Variants in RSRC1 observed in about 807,000 individuals in gnomAD.
RSRC1 encodes arginine and serine rich coiled-coil 1.
RSRC1 carries 39 observed loss-of-function variants against 49.1 expected under a neutral mutation model. That is an observed-to-expected ratio of 0.79 (90% CI 0.61 to 1.04). RSRC1 has a LOEUF of 1.04. RSRC1 is among the 50% of genes least tolerant of loss of function. The pLI is 0.00. For synonymous variants in RSRC1, 143 were observed against 130.8 expected, an observed-to-expected ratio of 1.09 and a Z score of -0.63; for missense variants, 388 against 402.4, an observed-to-expected ratio of 0.96 and a Z score of 0.31.
chr3:158,537,023 C>T, intron 7 of RSRC1, 69 bp from the exon 8 acceptor site: 1 of 895,222 alleles, frequency 1.1e-6, no homozygotes. Context: ...ATAGAAAGAA[C>T]ATTGCTTAGG....
At chr3:158,327,227 A>G (rs941767957) in intron 5 of RSRC1, among the ~76,000 whole-genome samples, 9 of 151,198 alleles carry the variant, frequency 6.0e-5, no homozygotes, top group East Asian at 1.9e-4. Context: ...TTGTGTCTCT[A>G]TCTCCTTCAG....
chr3:158,379,398 C>T (rs924591465), intron 6 of RSRC1, among the ~76,000 whole-genome samples: 8 of 151,968 alleles, frequency 5.3e-5, no homozygotes, highest in African/African-American at 1.9e-4. Context: ...GACGGGGTTT[C>T]ACCATGTTAG....
chr3:158,381,616 CT>C (rs1177505803), intron 6 of RSRC1, among the ~76,000 whole-genome samples: 6 of 152,102 alleles, frequency 3.9e-5, no homozygotes, highest in Admixed American at 3.3e-4. Flanking sequence ...GTGGTATAAC[CT>C]ACTACACACC....
chr3:158,202,235 G>A (rs188085432), intron 3 of RSRC1, among the ~76,000 whole-genome samples: 413 of 152,084 alleles, frequency 2.7e-3, no homozygotes, highest in African/African-American at 9.7e-3. Context: ...GGCTGGTCTC[G>A]GACCCCTGAC....
At chr3:158,225,697 TC>T (rs1391406611) in intron 4 of RSRC1, 1 of 453,570 alleles carries the variant, frequency 2.2e-6, no homozygotes, top group Non-Finnish European at 4.4e-6. Context: ...GAAACTTACA[TC>T]TAACAGGAAG....
At chr3:158,170,141 A>G (rs1261162751) in intron 3 of RSRC1, among the ~76,000 whole-genome samples, 2 of 152,284 alleles carry the variant, frequency 1.3e-5, no homozygotes, top group South Asian at 4.1e-4. Flanking sequence ...GATTAGGCTT[A>G]GTTGTACCTA....
intron 6 of RSRC1, among the ~76,000 whole-genome samples, chr3:158,432,271 A>C (rs1386130048): frequency 6.6e-6 from 1 of 152,000 alleles, no homozygotes; most frequent in Non-Finnish European, 1.5e-5. Flanking sequence ...AGACTGTGAC[A>C]CAGATTCTGT....
intron 6 of RSRC1, among the ~76,000 whole-genome samples, chr3:158,403,849 A>G (rs1467131923): frequency 6.6e-6 from 1 of 151,824 alleles, no homozygotes. Flanking sequence ...ACTATAAGAA[A>G]GAAATTTCAC....
intron 4 of RSRC1, among the ~76,000 whole-genome samples, chr3:158,290,488 G>A (rs1341807862): frequency 2.0e-5 from 3 of 151,984 alleles, no homozygotes; most frequent in Non-Finnish European, 4.4e-5. Flanking sequence ...TGTTAGCCAG[G>A]ATGGTCTCGA....
At chr3:158,411,154 T>C (rs1243765453) in intron 6 of RSRC1, among the ~76,000 whole-genome samples, 2 of 152,272 alleles carry the variant, frequency 1.3e-5, no homozygotes, top group East Asian at 3.9e-4. Flanking sequence ...TAATATTTCA[T>C]TTTATGAACA....
At position 158,382,696 on chromosome 3, in the gene RSRC1, A is replaced by G. The variant is rs540432173; in HGVS notation, c.583+27788A>G. Among the ~76,000 whole-genome samples the G allele has an allele frequency of 4.6e-5, 7 of 152,258 alleles. No individual in the cohort carries two copies. The South Asian group carries it at 1.2e-3, about 27-fold the overall frequency. On this transcript the variant is annotated intron_variant, in intron 6 of 9. Transcript: ENST00000611884. ...AGAGCCAGTTTGAATAACAAATTTG[A>G]ATGTCACTCTGACCTCTGAGGAGCT...
intron 4 of RSRC1, among the ~76,000 whole-genome samples, chr3:158,278,355 C>A (rs974713016): frequency 1.3e-5 from 2 of 152,188 alleles, no homozygotes; most frequent in Non-Finnish European, 2.9e-5. Flanking sequence ...AGCCTCTTTC[C>A]GCTCTCTGTT....
chr3:158,124,250 C>G (rs992838643), intron 3 of RSRC1, among the ~76,000 whole-genome samples: 2 of 152,050 alleles, frequency 1.3e-5, no homozygotes, highest in Non-Finnish European at 2.9e-5. Context: ...TTCTCATTGT[C>G]CAGTAGGCTA....
intron 7 of RSRC1, among the ~76,000 whole-genome samples, chr3:158,479,335 A>G (rs567302949): frequency 1.3e-4 from 19 of 151,616 alleles, no homozygotes; most frequent in African/African-American, 4.6e-4. Context: ...AAGAATCAGG[A>G]TAAGCCCAAT....
At chr3:158,188,743 C>A (rs376750038) in intron 3 of RSRC1, among the ~76,000 whole-genome samples, 6 of 151,922 alleles carry the variant, frequency 3.9e-5, no homozygotes, top group Admixed American at 1.3e-4. Context: ...TTAAAAAAAT[C>A]ATTTCCATGA....
chr3:158,419,901 C>T (rs1332527092), intron 6 of RSRC1, among the ~76,000 whole-genome samples: 2 of 151,558 alleles, frequency 1.3e-5, no homozygotes, highest in Non-Finnish European at 2.9e-5. Flanking sequence ...TGTAACTTTT[C>T]CTACATTAAC....
At chr3:158,237,768 T>C (rs1437687930) in intron 4 of RSRC1, among the ~76,000 whole-genome samples, 3 of 152,164 alleles carry the variant, frequency 2.0e-5, no homozygotes, top group African/African-American at 7.2e-5. Flanking sequence ...CAATTTGACT[T>C]CCCCTTTTCC....
intron 3 of RSRC1, among the ~76,000 whole-genome samples, chr3:158,193,865 T>C (rs1275271133): frequency 6.6e-6 from 1 of 152,128 alleles, no homozygotes; most frequent in Non-Finnish European, 1.5e-5. Flanking sequence ...GGTAGAAATT[T>C]CGTATGTGTA....
At chr3:158,276,226 T>C (rs1464327350) in intron 4 of RSRC1, 43 of 776,822 alleles carry the variant, frequency 5.5e-5, no homozygotes, top group South Asian at 1.5e-4. Context: ...CCATGGCGAA[T>C]ACGAATCCTA....
Sources: gnomAD v4.1 joint callset for allele counts (sites outside exome capture counted in the v4.1 genomes callset) on GRCh38, gnomAD v4.1.1 for gene constraint, MANE v1.5 for transcripts, NCBI Gene and HGNC (gene_info 2026-07-23, HGNC 2026-07-21) for gene names.